The following RHBDL1 variants were observed in gnomAD, a reference collection of about 807,000 sequenced individuals.
The protein encoded by RHBDL1 is rhomboid-related protein 1.
In RHBDL1, 21 loss-of-function variants were observed where a neutral mutation model predicts 34.0. That is an observed-to-expected ratio of 0.62 (90% confidence interval 0.44 to 0.89). The LOEUF (loss-of-function observed/expected upper bound fraction) is 0.89, where lower values mean the gene tolerates loss of function less well. Among genes scored for constraint, RHBDL1 ranks in the 40% least tolerant of loss-of-function variants. The probability of loss-of-function intolerance (pLI) is 0.00; values close to 1 mark genes in which losing one functional copy is unlikely to be tolerated. For missense variants in RHBDL1, 450 were observed against 530.6 expected (o/e 0.85, Z 1.49); for synonymous variants, 268 against 234.8 (o/e 1.14, Z -1.29).
At position 676,700 on chromosome 16, in the gene RHBDL1, A is replaced by G. The variant is rs1249949985; in HGVS notation, c.230A>G (p.Lys77Arg). The G allele has an allele frequency of 1.9e-6, 3 of 1,612,108 alleles. No individual in the cohort carries two copies. Among genetic ancestry groups the G allele is most frequent in the Non-Finnish European group, 2.5e-6 (3 of 1,179,852 alleles). The change falls in exon 3 of 8, where the codon AAG becomes AGG. Residue 77 changes from lysine to arginine, a missense_variant. Coordinates refer to ENST00000352681, the MANE Select transcript of RHBDL1 (RefSeq NM_001278720.2). The surrounding 1 kb of genome is among the most constrained non-coding windows in gnomAD (Gnocchi z 6.9). ...LISSKRSSSFKRAIANGQRAL... is the reference protein window; with the variant it reads ...LISSKRSSSFRRAIANGQRAL... The stretch of plus-strand genomic sequence containing the variant: ...AGCAGCAAGCGCTCCAGCAGTTTCA[A>G]GCGGGCCATTGCTAACGGACAGCGG...
chr16:678,204 A>G lies in RHBDL1; in HGVS notation c.*152A>G, dbSNP rs948026948. Reference sequence around the variant, plus strand: ...AAAGGAGGCCCTGTCCCAGCCACCCACCCCCCACTCCCAGGACTTGCGGTC... The same window carrying G: ...AAAGGAGGCCCTGTCCCAGCCACCCGCCCCCCACTCCCAGGACTTGCGGTC... On this transcript the variant is annotated 3_prime_UTR_variant, in exon 8 of 8. Coordinates refer to ENST00000352681, the MANE Select transcript of RHBDL1 (RefSeq NM_001278720.2). The G allele has an allele frequency of 2.7e-5, 37 of 1,364,908 alleles. No individual in the cohort carries two copies. Among genetic ancestry groups the G allele is most frequent in the Non-Finnish European group, 3.1e-5 (33 of 1,063,778 alleles). 84.5% of individuals were successfully genotyped at this position (1,364,908 alleles called of 1,614,324 possible).
At chr16:675,954 G>A (rs1018880059) in intron 1 of RHBDL1, 125 bp downstream of exon 1, 2 of 1,397,574 alleles carry the variant, frequency 1.4e-6, no homozygotes, top group African/African-American at 2.9e-5. Flanking sequence ...ATCCCTCCAC[G>A]ACCTTGGTCC....
intron 7 of RHBDL1, 37 bp downstream of exon 7, chr16:677,736 C>T (rs2151501071): frequency 1.3e-6 from 2 of 1,522,556 alleles, no homozygotes; most frequent in Non-Finnish European, 8.8e-7. Flanking sequence ...GGGGGCCTCT[C>T]AGCCTGCAGC....
intron 4 of RHBDL1, 35 bp from the exon 5 acceptor site, chr16:677,241 C>G: frequency 6.4e-7 from 1 of 1,554,544 alleles, no homozygotes; most frequent in Non-Finnish European, 8.7e-7. Flanking sequence ...ATGGCTGACC[C>G]CACCCTTCGT....
At position 677,030 on chromosome 16, in the gene RHBDL1, C is replaced by T. The variant is rs201340095; in HGVS notation, c.486C>T (p.His162=). The change falls in exon 4 of 8, where the codon CAC becomes CAT. Residue 162 remains histidine (H), a synonymous_variant. Coordinates refer to ENST00000352681, the MANE Select transcript of RHBDL1 (RefSeq NM_001278720.2). ...RLNKWVLQTY[H]PEYMKSPLVY... ...ACAAGTGGGTGCTGCAGACCTACCA[C>T]CCCGAGTACATGAAGAGCCCCCTTG... is the stretch of plus-strand genomic sequence containing the variant. The T allele has an allele frequency of 2.9e-5, 47 of 1,612,984 alleles. No individual in the cohort carries two copies. The highest frequency in any genetic ancestry group is 3.6e-5 in the Non-Finnish European group (43 of 1,179,978).
In RHBDL1 at chr16:676,707, C is replaced by G. The variant is rs1471314984; in HGVS notation, c.237C>G (p.Ala79=). The G allele has an allele frequency of 2.5e-6, 4 of 1,612,218 alleles. No homozygotes were observed. In the Admixed American group the frequency reaches 6.7e-5, roughly 27 times the overall value. Residue 79 remains alanine (A), a synonymous_variant, in exon 3 of 8, where the codon GCC becomes GCG. Coordinates refer to ENST00000352681, the MANE Select transcript of RHBDL1 (RefSeq NM_001278720.2). The surrounding 1 kb of genome is among the most constrained non-coding windows in gnomAD (Gnocchi z 6.9). ...SSKRSSSFKR[A]IANGQRALPR... ...AGCGCTCCAGCAGTTTCAAGCGGGC[C>G]ATTGCTAACGGACAGCGGGCACTGC...
chr16:676,703 G>A lies in RHBDL1; in HGVS notation c.233G>A (p.Arg78Gln), dbSNP rs182639707. 14 of 1,612,300 alleles carry A rather than the reference G, an allele frequency of 8.7e-6. No homozygotes were observed. Among genetic ancestry groups the A allele is most frequent in the Middle Eastern group, 1.7e-4 (1 of 6,060 alleles). Residue 78 changes from arginine (R) to glutamine (Q), a missense_variant, in exon 3 of 8, where the codon CGG becomes CAG. Physicochemically the swap from Arg to Gln is conservative, Grantham distance 43. Coordinates refer to ENST00000352681, the MANE Select transcript of RHBDL1 (RefSeq NM_001278720.2). This position sits in a 1 kb window ranked among gnomAD's most constrained non-coding sequence, Gnocchi z 6.9. ...ISSKRSSSFK[R>Q]AIANGQRALP... Reference sequence around the variant, plus strand: ...AGCAAGCGCTCCAGCAGTTTCAAGCGGGCCATTGCTAACGGACAGCGGGCA... The same window carrying A: ...AGCAAGCGCTCCAGCAGTTTCAAGCAGGCCATTGCTAACGGACAGCGGGCA...
In RHBDL1 at chr16:678,055, G is replaced by C. The variant is rs541318767; in HGVS notation, c.*3G>C. 1 of 1,551,364 alleles carries C rather than the reference G, an allele frequency of 6.4e-7. No individual in the cohort carries two copies. The highest frequency in any genetic ancestry group is 8.7e-7 in the Non-Finnish European group (1 of 1,153,618). On this transcript the variant is annotated 3_prime_UTR_variant, in exon 8 of 8. Coordinates refer to ENST00000352681, the MANE Select transcript of RHBDL1 (RefSeq NM_001278720.2). Reference sequence around the variant, plus strand: ...CCCACATCCCCCCACCGCCCTGACCGGCTACCTGAGGCTGCACAGGCCAGG... The same window carrying C: ...CCCACATCCCCCCACCGCCCTGACCCGCTACCTGAGGCTGCACAGGCCAGG...
In RHBDL1 at chr16:677,216, T is replaced by TGG. The variant is rs1431988456; in HGVS notation, c.576-56_576-55dup. 62 of 1,560,128 alleles carry TGG rather than the reference T, an allele frequency of 4.0e-5. No individual in the cohort carries two copies. The East Asian group carries it at 7.4e-4, about 19-fold the overall frequency. On this transcript the variant is annotated intron_variant, in intron 4 of 7. Transcript: ENST00000352681. ...AGGTGCGGCAACTTGAGGTGACGGCTGGGGGTGGGGCCGGATGGCTGACCC... is the reference window on the plus strand; with the variant it reads ...AGGTGCGGCAACTTGAGGTGACGGCTGGGGGGGTGGGGCCGGATGGCTGACCC...
At chr16:675,880 C>T (rs910122387) in intron 1 of RHBDL1, 51 bp downstream of exon 1, 35 of 1,470,660 alleles carry the variant, frequency 2.4e-5, no homozygotes, top group Non-Finnish European at 2.8e-5. Context: ...ATGCGGCCCT[C>T]CTGCCGCTGA....
rs8056588 is a variant in RHBDL1 at position 676,189 on chromosome 16, C to A, written c.40-147C>A. The A allele has an allele frequency of 6.6e-7, 1 of 1,510,738 alleles. No homozygotes were observed. The highest frequency in any genetic ancestry group is 8.9e-7 in the Non-Finnish European group (1 of 1,125,432). 93.6% of individuals were successfully genotyped at this position (1,510,738 alleles called of 1,614,324 possible). On this transcript the variant is annotated intron_variant, in intron 1 of 7. Transcript: ENST00000352681. The surrounding 1 kb of genome is among the most constrained non-coding windows in gnomAD (Gnocchi z 6.9). ...TGCCCTGCCAGCTCCTGGGATCAAGCAGGGTCCCAGGGAACAGACAGGCAC... is the reference window on the plus strand; with the variant it reads ...TGCCCTGCCAGCTCCTGGGATCAAGAAGGGTCCCAGGGAACAGACAGGCAC...
rs1181032657 is a variant in RHBDL1 at position 676,432 on chromosome 16, A to G, written c.136A>G (p.Met46Val). The G allele has an allele frequency of 3.1e-6, 5 of 1,606,600 alleles. No homozygotes were observed. The East Asian group carries it at 8.9e-5, about 29-fold the overall frequency. The change falls in exon 2 of 8, where the codon ATG becomes GTG. Residue 46 changes from methionine (M) to valine (V), a missense_variant. Coordinates refer to ENST00000352681, the MANE Select transcript of RHBDL1 (RefSeq NM_001278720.2). The surrounding 1 kb of genome is among the most constrained non-coding windows in gnomAD (Gnocchi z 6.9). ...ELPLDPAKLDMLVALAQSNEQ... is the reference protein window; with the variant it reads ...ELPLDPAKLDVLVALAQSNEQ... ...GCCCCTGGACCCGGCCAAGCTGGAC[A>G]TGCTGGTGGCCCTGGCTCAGAGCAA... is the stretch of plus-strand genomic sequence containing the variant.
In RHBDL1 at chr16:676,018, A is replaced by G; in HGVS notation, c.39+189A>G. On this transcript the variant is annotated intron_variant, in intron 1 of 7. Transcript: ENST00000352681. The surrounding 1 kb of genome is among the most constrained non-coding windows in gnomAD (Gnocchi z 6.9). ...ACTGGACCAGAGCTCCTGGCTGGAG[A>G]AGGGAGAGTCGGGGGGAGGGAGGGA... 8.1e-7 allele frequency: 1 copy of G among 1,235,488 alleles called. No individual in the cohort carries two copies. The highest frequency in any genetic ancestry group is 1.0e-6 in the Non-Finnish European group (1 of 959,362). The allele number at this position is 1,235,488 out of a possible 1,614,324, so 76.5% of individuals were successfully genotyped here.
chr16:676,146 C>T lies in RHBDL1; in HGVS notation c.40-190C>T, dbSNP rs1411516897. 9 of 1,469,954 alleles carry T rather than the reference C, an allele frequency of 6.1e-6. No homozygotes were observed. Among genetic ancestry groups the T allele is most frequent in the Non-Finnish European group, 8.1e-6 (9 of 1,107,058 alleles). The allele number at this position is 1,469,954 out of a possible 1,614,324, so 91.1% of individuals were successfully genotyped here. A position where few individuals can be genotyped will look rare whatever the true frequency, so the allele number is the denominator to read the frequency against. On this transcript the variant is annotated intron_variant, in intron 1 of 7. Transcript: ENST00000352681. The surrounding 1 kb of genome is among the most constrained non-coding windows in gnomAD (Gnocchi z 6.9). ...GGGGAACAACTGAGGAGCTGGAGGA[C>T]TGGGACCCAGGCACCAGTGCCCTGC... is the stretch of plus-strand genomic sequence containing the variant.
rs1456480362 is a variant in RHBDL1 at position 676,321 on chromosome 16, G to T, written c.40-15G>T. On this transcript the variant is annotated splice_polypyrimidine_tract_variant and intron_variant, in intron 1 of 7. Coordinates refer to ENST00000352681, the MANE Select transcript of RHBDL1 (RefSeq NM_001278720.2). The surrounding 1 kb of genome is among the most constrained non-coding windows in gnomAD (Gnocchi z 6.9). ...GGCCCGCACTCAGGCCTTGGCTGGCGGCTCCTCACTGCAGCAGCTGGACCC... is the reference window on the plus strand; with the variant it reads ...GGCCCGCACTCAGGCCTTGGCTGGCTGCTCCTCACTGCAGCAGCTGGACCC... 6.2e-7 allele frequency: 1 copy of T among 1,607,122 alleles called. No homozygotes were observed. Among genetic ancestry groups the T allele is most frequent in the Non-Finnish European group, 8.5e-7 (1 of 1,177,666 alleles).
In RHBDL1 at chr16:676,189, C is replaced by T. The variant is rs8056588; in HGVS notation, c.40-147C>T. ...TGCCCTGCCAGCTCCTGGGATCAAG[C>T]AGGGTCCCAGGGAACAGACAGGCAC... is the stretch of plus-strand genomic sequence containing the variant. On this transcript the variant is annotated intron_variant, in intron 1 of 7. Transcript: ENST00000352681. The surrounding 1 kb of genome is among the most constrained non-coding windows in gnomAD (Gnocchi z 6.9). The T allele has an allele frequency of 4.6e-3, 6,900 of 1,510,736 alleles. 23 individuals are homozygous for T. The highest frequency in any genetic ancestry group is 5.5e-3 in the Non-Finnish European group (6,246 of 1,125,430). 93.6% of individuals were successfully genotyped at this position (1,510,736 alleles called of 1,614,324 possible).
Position 677,702 on chromosome 16 carries a change from G to T in RHBDL1, c.850+3G>T. ...GATGGTGCTGGCCTTGGTGTGCAGT[G>T]AGTAGGGGCCGGGGGGAGGGCCGGG... is the stretch of plus-strand genomic sequence containing the variant. On this transcript the variant is annotated splice_donor_region_variant and intron_variant, in intron 7 of 7. Coordinates refer to ENST00000352681, the MANE Select transcript of RHBDL1 (RefSeq NM_001278720.2). The T allele has an allele frequency of 6.5e-7, 1 of 1,534,290 alleles. No homozygotes were observed. Among genetic ancestry groups the T allele is most frequent in the South Asian group, 1.3e-5 (1 of 77,978 alleles).
chr16:676,509 G>C lies in RHBDL1; in HGVS notation c.201+12G>C. 1 of 1,580,306 alleles carries C rather than the reference G, an allele frequency of 6.3e-7. No individual in the cohort carries two copies. The highest frequency in any genetic ancestry group is 8.6e-7 in the Non-Finnish European group (1 of 1,165,710). ...AGCTGGTGGACCTGGTCAGTGCCAC[G>C]GTGGGCAGGCGGCAGGGGCACGGTG... is the stretch of plus-strand genomic sequence containing the variant. On this transcript the variant is annotated intron_variant, in intron 2 of 7. Transcript: ENST00000352681. The surrounding 1 kb of genome is among the most constrained non-coding windows in gnomAD (Gnocchi z 6.9).
Position 675,760 on chromosome 16 carries a change from G to C in RHBDL1, c.-31G>C, listed in dbSNP as rs547212740. ...GCAGCCCCTCCCGGCCGCGGCCGCC[G>C]ACCCCGGACCCCGGCCCCCGGCCAG... On this transcript the variant is annotated 5_prime_UTR_variant, in exon 1 of 8. Transcript: ENST00000352681. The C allele has an allele frequency of 3.5e-6, 5 of 1,437,058 alleles. No individual in the cohort carries two copies. Among genetic ancestry groups the C allele is most frequent in the Admixed American group, 2.4e-5 (1 of 42,304 alleles). The allele number at this position is 1,437,058 out of a possible 1,614,324, so 89.0% of individuals were successfully genotyped here.
Sources: allele counts gnomAD v4.1 joint callset, GRCh38; gene constraint gnomAD v4.1.1; non-coding constraint Gnocchi (gnomAD v3.1); transcripts MANE v1.5; gene names NCBI Gene and HGNC (gene_info 2026-07-23, HGNC 2026-07-21).